Variants in CYTH3 observed in about 807,000 individuals in gnomAD.
The protein encoded by CYTH3 is cytohesin-3.
In CYTH3, 23 loss-of-function variants were observed where a neutral mutation model predicts 55.1. The observed-to-expected ratio is 0.42, with a 90% CI of 0.30 to 0.59. The LOEUF (loss-of-function observed/expected upper bound fraction) is 0.59, where lower values mean the gene tolerates loss of function less well. Among genes scored for constraint, CYTH3 ranks in the 20% least tolerant of loss-of-function variants. The pLI is 0.20. For synonymous variants in CYTH3, 249 were observed against 194.9 expected (o/e 1.28, Z -2.31); for missense variants, 413 against 524.8 (o/e 0.79, Z 2.08).
rs1387134793 is a variant in CYTH3 at position 6,259,826 on chromosome 7, ATATATAT to A, written c.34+12641_34+12647del. ...ATATATATATATAATATATATATAT[ATATATAT>A]TTTTTTTTTTTTTTAAGACGGATTT... On this transcript the variant is annotated intron_variant, in intron 1 of 12. Transcript: ENST00000350796. Among the ~76,000 whole-genome samples the A allele has an allele frequency of 2.5e-3, 57 of 22,764 alleles. 2 individuals are homozygous for A. The highest frequency in any genetic ancestry group is 3.0e-3 in the African/African-American group (8 of 2,634). The allele number at this position is 22,764 out of a possible 152,430, so 14.9% of individuals were successfully genotyped here.
chr7:6,192,654 C>T (rs909758697), intron 1 of CYTH3, among the ~76,000 whole-genome samples: 18 of 150,892 alleles, frequency 1.2e-4, no homozygotes, highest in African/African-American at 3.9e-4. Flanking sequence ...GCCTCAGCCT[C>T]CCGAGTAGCT....
intron 1 of CYTH3, among the ~76,000 whole-genome samples, chr7:6,208,047 C>A (rs1303491223): frequency 2.0e-5 from 3 of 152,120 alleles, no homozygotes; most frequent in Non-Finnish European, 4.4e-5. Flanking sequence ...CTTATTCTTC[C>A]AAGACTCCTT....
intron 1 of CYTH3, among the ~76,000 whole-genome samples, chr7:6,230,290 A>G (rs1360337013): frequency 6.6e-6 from 1 of 152,214 alleles, no homozygotes; most frequent in Non-Finnish European, 1.5e-5. Context: ...CACTATTAAC[A>G]TTGGTGCCTC....
chr7:6,253,713 G>A (rs1780030468), intron 1 of CYTH3, among the ~76,000 whole-genome samples: 1 of 152,118 alleles, frequency 6.6e-6, no homozygotes, highest in African/African-American at 2.4e-5. Flanking sequence ...CTACTGGGGA[G>A]GTTGAGGCAG....
chr7:6,246,764 C>G (rs1583194035), intron 1 of CYTH3, among the ~76,000 whole-genome samples: 1 of 141,234 alleles, frequency 7.1e-6, no homozygotes, highest in South Asian at 2.2e-4. Context: ...GGATTTTTCT[C>G]TTTCCATTAC....
chr7:6,187,560 C>T, intron 3 of CYTH3, 97 bp downstream of exon 3: 1 of 1,087,090 alleles, frequency 9.2e-7, no homozygotes, highest in Non-Finnish European at 1.4e-6. Context: ...CTCCCCACAT[C>T]CCAACCACTC....
In CYTH3 at chr7:6,173,738, G is replaced by T. The variant is rs1038280680; in HGVS notation, c.369-5C>A. 3 of 1,567,462 alleles carry T rather than the reference G, an allele frequency of 1.9e-6. No individual in the cohort carries two copies. The highest frequency in any genetic ancestry group is 1.7e-4 in the Middle Eastern group (1 of 5,958). The stretch of plus-strand genomic sequence containing the variant: ...ACTTTAATATTAAATTCATCCCTGG[G>T]AAAAAAAGAAGTAAGTTTCAAACCT... On this transcript the variant is annotated splice_polypyrimidine_tract_variant and splice_region_variant and intron_variant, in intron 5 of 12. Transcript: ENST00000350796.
Position 6,167,553 on chromosome 7 carries a change from A to T in CYTH3, c.824-1743T>A, listed in dbSNP as rs917676397. 6.6e-6 allele frequency among the ~76,000 whole-genome samples: 1 copy of T among 152,246 alleles called. No homozygotes were observed. The highest frequency in any genetic ancestry group is 1.5e-5 in the Non-Finnish European group (1 of 68,028). On this transcript the variant is annotated intron_variant, in intron 9 of 12. Transcript: ENST00000350796. This position sits in a 1 kb window ranked among gnomAD's most constrained non-coding sequence, Gnocchi z 5.5. ...CATCCCCCAAACAGCGGCCAAAGGCATCTTTTCAAAAACGTGGCAATCATG... is the reference window on the plus strand; with the variant it reads ...CATCCCCCAAACAGCGGCCAAAGGCTTCTTTTCAAAAACGTGGCAATCATG...
At chr7:6,219,758 G>C (rs1430488103) in intron 1 of CYTH3, among the ~76,000 whole-genome samples, 1 of 152,062 alleles carries the variant, frequency 6.6e-6, no homozygotes, top group East Asian at 1.9e-4. Flanking sequence ...GAATGAAAAA[G>C]ACTCATTCCT....
At position 6,207,607 on chromosome 7, in the gene CYTH3, C is replaced by G. The variant is rs371266644; in HGVS notation, c.35-17076G>C. 1.8e-4 allele frequency among the ~76,000 whole-genome samples: 28 copies of G among 151,946 alleles called. No homozygotes were observed. The East Asian group carries it at 3.3e-3, about 18-fold the overall frequency. Reference sequence around the variant, plus strand: ...TAGGCCACAGTGAGCTATGATCACACCACTGCACTCCAGCCTGGGTGACAG... The same window carrying G: ...TAGGCCACAGTGAGCTATGATCACAGCACTGCACTCCAGCCTGGGTGACAG... On this transcript the variant is annotated intron_variant, in intron 1 of 12. Transcript: ENST00000350796.
At chr7:6,254,531 C>A (rs1780053084) in intron 1 of CYTH3, among the ~76,000 whole-genome samples, 1 of 152,230 alleles carries the variant, frequency 6.6e-6, no homozygotes, top group Non-Finnish European at 1.5e-5. Flanking sequence ...TCACTGCAAC[C>A]TCCGCCTCCC....
At chr7:6,207,388 C>G (rs1784218705) in intron 1 of CYTH3, among the ~76,000 whole-genome samples, 1 of 152,068 alleles carries the variant, frequency 6.6e-6, no homozygotes, top group Non-Finnish European at 1.5e-5. Context: ...GCTGCCACGC[C>G]CGACCTAAAA....
chr7:6,214,952 A>C (rs1414351365), intron 1 of CYTH3, among the ~76,000 whole-genome samples: 1 of 152,224 alleles, frequency 6.6e-6, no homozygotes, highest in Non-Finnish European at 1.5e-5. Flanking sequence ...TTGAAAAAAA[A>C]GAGTAAGGTT....
At chr7:6,231,612 C>A (rs534412402) in intron 1 of CYTH3, among the ~76,000 whole-genome samples, 1 of 152,296 alleles carries the variant, frequency 6.6e-6, no homozygotes, top group African/African-American at 2.4e-5. Flanking sequence ...TATAAATTAA[C>A]AATAAGAAAT....
chr7:6,235,234 G>C (rs891010590), intron 1 of CYTH3, among the ~76,000 whole-genome samples: 1 of 152,226 alleles, frequency 6.6e-6, no homozygotes, highest in Non-Finnish European at 1.5e-5. Context: ...TCAGCACTCT[G>C]GGATGCCAAG....
chr7:6,255,810 C>G (rs1167941623), intron 1 of CYTH3, among the ~76,000 whole-genome samples: 1 of 135,042 alleles, frequency 7.4e-6, no homozygotes, highest in Non-Finnish European at 1.5e-5. Context: ...GTCACCCAGG[C>G]TGAAGTGCAG....
Position 6,179,814 on chromosome 7 carries a change from C to A in CYTH3, c.250-1873G>T, listed in dbSNP as rs1020771960. ...ACACACACCCACCACACACACCACA[C>A]ACACACCACACACGCACACCACATA... On this transcript the variant is annotated intron_variant, in intron 4 of 12. Transcript: ENST00000350796. Among the ~76,000 whole-genome samples, 11 of 136,368 alleles carry A rather than the reference C, an allele frequency of 8.1e-5. No homozygotes were observed. The South Asian group carries it at 1.6e-3, about 20-fold the overall frequency. The allele number at this position is 136,368 out of a possible 152,430, so 89.5% of individuals were successfully genotyped here.
intron 1 of CYTH3, among the ~76,000 whole-genome samples, chr7:6,194,329 C>G (rs530319315): frequency 6.6e-6 from 1 of 152,094 alleles, no homozygotes; most frequent in South Asian, 2.1e-4. Context: ...GGCACGCATC[C>G]GTAGTCCCAG....
At chr7:6,271,903 C>G (rs1780669706) in intron 1 of CYTH3, among the ~76,000 whole-genome samples, 1 of 152,146 alleles carries the variant, frequency 6.6e-6, no homozygotes, top group African/African-American at 2.4e-5. Context: ...CTCCAGCTGG[C>G]CCCCTCCCCG....
Sources: gnomAD v4.1 joint callset for allele counts (sites outside exome capture counted in the v4.1 genomes callset) on GRCh38, gnomAD v4.1.1 for gene constraint, Gnocchi (gnomAD v3.1) non-coding constraint, MANE v1.5 for transcripts, NCBI Gene and HGNC (gene_info 2026-07-23, HGNC 2026-07-21) for gene names.